Variants in GPC6 observed in about 807,000 individuals in gnomAD.
GPC6 encodes glypican-6.
Under a neutral mutation model 55.2 loss-of-function variants are expected in GPC6, and 14 were observed. The observed-to-expected ratio is 0.25, with a 90% CI of 0.17 to 0.40. The LOEUF (loss-of-function observed/expected upper bound fraction) is 0.40. GPC6 is among the 10% of genes least tolerant of loss of function. The pLI is 1.00. For missense variants in GPC6, 641 were observed against 708.5 expected, an observed-to-expected ratio of 0.90 and a Z score of 1.08; for synonymous variants, 278 against 259.6, an observed-to-expected ratio of 1.07 and a Z score of -0.68.
chr13:94,175,792 A>T (rs118051926), intron 4 of GPC6, among the ~76,000 whole-genome samples: 10,731 of 149,078 alleles, frequency 0.072, 467 homozygotes, highest in African/African-American at 0.11. Context: ...GCATATATAC[A>T]TATATTTAAA....
chr13:93,922,292 A>C (rs1877615026), intron 3 of GPC6, among the ~76,000 whole-genome samples: 1 of 152,178 alleles, frequency 6.6e-6, no homozygotes, highest in South Asian at 2.1e-4. Flanking sequence ...AGTGTCACAA[A>C]AGGCTATGTA....
intron 2 of GPC6, among the ~76,000 whole-genome samples, chr13:93,800,555 T>A (rs762475770): frequency 2.6e-5 from 4 of 152,158 alleles, no homozygotes; most frequent in African/African-American, 7.2e-5. Context: ...CAAACCTCTA[T>A]GTTGTATGAA....
At position 93,844,703 on chromosome 13, in the gene GPC6, A is replaced by G. The variant is rs993764888; in HGVS notation, c.711+14158A>G. Among the ~76,000 whole-genome samples the G allele has an allele frequency of 1.2e-4, 17 of 145,780 alleles. No individual in the cohort carries two copies. The East Asian group carries it at 3.4e-3, about 29-fold the overall frequency. On this transcript the variant is annotated intron_variant, in intron 3 of 8. Coordinates refer to ENST00000377047, the MANE Select transcript of GPC6 (RefSeq NM_005708.5). ...GTTGCCATTGCTTTTGGTGTTTTGGACATGAAGTCCTTGCCCACGCCTATG... is the reference window on the plus strand; with the variant it reads ...GTTGCCATTGCTTTTGGTGTTTTGGGCATGAAGTCCTTGCCCACGCCTATG...
At chr13:94,097,231 G>C (rs888096941) in intron 4 of GPC6, among the ~76,000 whole-genome samples, 1 of 152,072 alleles carries the variant, frequency 6.6e-6, no homozygotes, top group Non-Finnish European at 1.5e-5. Context: ...GGCAGGGCGC[G>C]GTGGCTCAGG....
At chr13:93,814,293 CAA>C (rs1316885082) in intron 2 of GPC6, among the ~76,000 whole-genome samples, 1 of 152,106 alleles carries the variant, frequency 6.6e-6, no homozygotes, top group African/African-American at 2.4e-5. Flanking sequence ...CAGATATCCA[CAA>C]AGTGTTTTTA....
chr13:94,044,717 G>C (rs1472553597), intron 4 of GPC6, among the ~76,000 whole-genome samples: 1 of 151,756 alleles, frequency 6.6e-6, no homozygotes, highest in Non-Finnish European at 1.5e-5. Context: ...CCTCTGGAAG[G>C]CTTGTATCAA....
chr13:93,414,389 C>T (rs7317292), intron 1 of GPC6, among the ~76,000 whole-genome samples: 3,176 of 152,214 alleles, frequency 0.021, 115 homozygotes, highest in African/African-American at 0.073. Flanking sequence ...ACTATTATCA[C>T]TGGCTACTTT....
At chr13:93,722,101 G>T (rs1180379831) in intron 2 of GPC6, among the ~76,000 whole-genome samples, 2 of 151,316 alleles carry the variant, frequency 1.3e-5, no homozygotes, top group Non-Finnish European at 3.0e-5. Context: ...ATTGTTTTAT[G>T]GTATTCTTAA....
intron 3 of GPC6, among the ~76,000 whole-genome samples, chr13:94,015,385 CT>C (rs949737857): frequency 3.3e-5 from 5 of 151,892 alleles, no homozygotes; most frequent in African/African-American, 2.4e-5. Flanking sequence ...GTTGTTTGTC[CT>C]TTTTTTGTGG....
In GPC6 at chr13:93,666,804, T is replaced by C. The variant is rs1209440992; in HGVS notation, c.319+121383T>C. Among the ~76,000 whole-genome samples the C allele has an allele frequency of 3.3e-5, 5 of 152,298 alleles. No individual in the cohort carries two copies. The East Asian group carries it at 5.8e-4, about 18-fold the overall frequency. Reference sequence around the variant, plus strand: ...CAATAGACATATGATAAATCATTTTTAAAGGAGCTGGTCCAACAGAAAGTG... The same window carrying C: ...CAATAGACATATGATAAATCATTTTCAAAGGAGCTGGTCCAACAGAAAGTG... On this transcript the variant is annotated intron_variant, in intron 2 of 8. Coordinates refer to ENST00000377047, the MANE Select transcript of GPC6 (RefSeq NM_005708.5).
chr13:94,073,165 G>A (rs1211249927), intron 4 of GPC6, among the ~76,000 whole-genome samples: 2 of 152,162 alleles, frequency 1.3e-5, no homozygotes, highest in Admixed American at 1.3e-4. Flanking sequence ...AAGAGTGCCA[G>A]CCCTGCACTA....
intron 3 of GPC6, among the ~76,000 whole-genome samples, chr13:93,966,760 C>A (rs1254217543): frequency 6.6e-6 from 1 of 150,516 alleles, no homozygotes; most frequent in Non-Finnish European, 1.5e-5. Context: ...AAGCAATCCT[C>A]CCTCCTCAGC....
intron 4 of GPC6, among the ~76,000 whole-genome samples, chr13:94,216,809 C>CA (rs1252158662): frequency 1.3e-5 from 2 of 152,192 alleles, no homozygotes; most frequent in African/African-American, 2.4e-5. Flanking sequence ...GAGAGAAAAG[C>CA]AAAAATGTTT....
At chr13:93,377,346 G>A (rs1594129129) in intron 1 of GPC6, among the ~76,000 whole-genome samples, 1 of 152,326 alleles carries the variant, frequency 6.6e-6, no homozygotes, top group South Asian at 2.1e-4. Flanking sequence ...TTGGAGACGA[G>A]ACACACATGT....
intron 2 of GPC6, among the ~76,000 whole-genome samples, chr13:93,753,413 A>G (rs1477959910): frequency 4.6e-5 from 7 of 152,124 alleles, no homozygotes; most frequent in African/African-American, 1.2e-4. Context: ...TGTTTTTTAT[A>G]ATTTTATTTA....
rs142060026 is a variant in GPC6 at position 93,905,343 on chromosome 13, C to CA, written c.711+74804dup. Among the ~76,000 whole-genome samples the CA allele has an allele frequency of 4.6e-3, 703 of 152,124 alleles. 8 individuals carry two copies. The highest frequency in any genetic ancestry group is 0.016 in the African/African-American group (674 of 41,480). ...CTCACAGGAAGGTTTCAGTGCTACA[C>CA]AAAAAATGCTCAGAATTATGCCTAA... is the stretch of plus-strand genomic sequence containing the variant. On this transcript the variant is annotated intron_variant, in intron 3 of 8. Coordinates refer to ENST00000377047, the MANE Select transcript of GPC6 (RefSeq NM_005708.5).
At chr13:93,718,340 T>C (rs1883327110) in intron 2 of GPC6, among the ~76,000 whole-genome samples, 1 of 152,110 alleles carries the variant, frequency 6.6e-6, no homozygotes, top group Non-Finnish European at 1.5e-5. Flanking sequence ...GTGGTTTTGA[T>C]TTGCATTTCT....
chr13:94,241,032 G>T (rs539973003), intron 4 of GPC6, among the ~76,000 whole-genome samples: 2 of 152,186 alleles, frequency 1.3e-5, no homozygotes, highest in East Asian at 1.9e-4. Context: ...CCATGGGATG[G>T]TATTAGAAGG....
At chr13:93,309,142 G>C (rs1878975982) in intron 1 of GPC6, among the ~76,000 whole-genome samples, 1 of 152,080 alleles carries the variant, frequency 6.6e-6, no homozygotes, top group African/African-American at 2.4e-5. Context: ...AGACCATGCT[G>C]CCTAGGTATA....
Sources: gnomAD v4.1 joint callset for allele counts (sites outside exome capture counted in the v4.1 genomes callset) on GRCh38, gnomAD v4.1.1 for gene constraint, MANE v1.5 for transcripts, NCBI Gene and HGNC (gene_info 2026-07-23, HGNC 2026-07-21) for gene names.